DNAH17: variants seen among roughly 807,000 people sequenced by gnomAD.
DNAH17 encodes dynein axonemal heavy chain 17.
DNAH17 carries 376 observed loss-of-function variants against 485.6 expected under a neutral mutation model. The observed-to-expected ratio is 0.77, with a 90% CI of 0.71 to 0.84. DNAH17 has a LOEUF of 0.84. Ranked by LOEUF, DNAH17 falls within the 40% of genes least tolerant of loss-of-function variation. DNAH17 has a pLI of 0.00. For synonymous variants in DNAH17, 3,031 were observed against 2,405.9 expected, an observed-to-expected ratio of 1.26 and a Z score of -7.60; for missense variants, 6,370 against 5,839.3, an observed-to-expected ratio of 1.09 and a Z score of -2.96.
At chr17:78,575,302 G>C (rs574879006) in intron 1 of DNAH17, among the ~76,000 whole-genome samples, 1 of 152,228 alleles carries the variant, frequency 6.6e-6, no homozygotes, top group African/African-American at 2.4e-5. Context: ...CGGGAGTGAG[G>C]CTGCCCAAAA....
At chr17:78,567,892 G>A (rs2092293861) in intron 9 of DNAH17, among the ~76,000 whole-genome samples, 1 of 152,142 alleles carries the variant, frequency 6.6e-6, no homozygotes, top group Admixed American at 6.5e-5. Flanking sequence ...GCTCTTCTGT[G>A]CCCCTGCACC....
chr17:78,462,525 T>C (rs189160038), intron 57 of DNAH17, among the ~76,000 whole-genome samples: 98 of 152,282 alleles, frequency 6.4e-4, no homozygotes, highest in African/African-American at 2.2e-3. Context: ...TATTTACGAA[T>C]GAACAAATGC....
intron 20 of DNAH17, 53 bp from the exon 21 acceptor site, chr17:78,530,565 C>G: frequency 6.4e-7 from 1 of 1,558,900 alleles, no homozygotes; most frequent in Admixed American, 1.8e-5. Flanking sequence ...CTAGGGGGGG[C>G]GTCAGCACAG....
chr17:78,574,692 T>G (rs2092408901), intron 2 of DNAH17, 21 bp downstream of exon 2: 1 of 1,575,094 alleles, frequency 6.3e-7, no homozygotes, highest in Non-Finnish European at 8.6e-7. Flanking sequence ...ACACCCCGGA[T>G]GGCAGCCTGG....
chr17:78,450,147 G>C (rs1051871536), intron 68 of DNAH17, 107 bp downstream of exon 68: 11 of 1,367,886 alleles, frequency 8.0e-6, no homozygotes, highest in Non-Finnish European at 1.1e-5. Flanking sequence ...GCCCTCTGAG[G>C]GTGGCCCTGG....
chr17:78,575,817 AAC>A (rs2092425922), intron 1 of DNAH17, among the ~76,000 whole-genome samples: 1 of 152,182 alleles, frequency 6.6e-6, no homozygotes, highest in African/African-American at 2.4e-5. Flanking sequence ...GACACACCCA[AAC>A]AGTCATCAAG....
chr17:78,472,377 C>T (rs956099252), intron 54 of DNAH17, among the ~76,000 whole-genome samples: 2 of 150,874 alleles, frequency 1.3e-5, no homozygotes, highest in African/African-American at 2.5e-5. Flanking sequence ...GTGCGAGACA[C>T]GCAGCAAGGC....
At chr17:78,451,423 T>G (rs758148374) in intron 66 of DNAH17, 46 bp downstream of exon 66, 13 of 1,554,240 alleles carry the variant, frequency 8.4e-6, no homozygotes, top group African/African-American at 1.4e-5. Context: ...GCCCCCTCTG[T>G]GTGGGACGGC....
intron 46 of DNAH17, 61 bp from the exon 47 acceptor site, chr17:78,485,818 G>A: frequency 6.3e-7 from 1 of 1,588,728 alleles, no homozygotes. Context: ...CCTCTCGTGG[G>A]TGTGCAGGCC....
chr17:78,493,456 G>A (rs769444808), intron 41 of DNAH17, among the ~76,000 whole-genome samples: 8 of 152,234 alleles, frequency 5.3e-5, no homozygotes, highest in South Asian at 4.1e-4. Flanking sequence ...TTAAAGACAC[G>A]GTTGAGGACA....
chr17:78,547,501 G>A (rs1483002842), intron 16 of DNAH17, among the ~76,000 whole-genome samples: 1 of 152,094 alleles, frequency 6.6e-6, no homozygotes, highest in Non-Finnish European at 1.5e-5. Flanking sequence ...ATGTCTACAT[G>A]TGTCATCTGG....
chr17:78,435,681 C>T (rs1298455696), intron 74 of DNAH17, among the ~76,000 whole-genome samples: 1 of 152,258 alleles, frequency 6.6e-6, no homozygotes, highest in Non-Finnish European at 1.5e-5. Context: ...TGTCGGGTCG[C>T]TGCAGAGTTT....
rs2087921561 is a variant in DNAH17 at position 78,458,552 on chromosome 17, G to A, written c.9977+13C>T. The A allele has an allele frequency of 6.2e-7, 1 of 1,608,908 alleles. No homozygotes were observed. Among genetic ancestry groups the A allele is most frequent in the Middle Eastern group, 1.7e-4 (1 of 5,952 alleles). ...CTGAGAGCAGGAGGGTGGTCTCGGG[G>A]AGGAGCTGATACCTGTTCGCCAGTA... is the stretch of plus-strand genomic sequence containing the variant. On this transcript the variant is annotated intron_variant, in intron 62 of 80. Coordinates refer to ENST00000389840, the MANE Select transcript of DNAH17 (RefSeq NM_173628.4).
chr17:78,549,401 G>C (rs1219660022), intron 16 of DNAH17, among the ~76,000 whole-genome samples: 1 of 152,202 alleles, frequency 6.6e-6, no homozygotes, highest in Non-Finnish European at 1.5e-5. Context: ...GACCAGGACA[G>C]TGGGCCCAAG....
At position 78,466,438 on chromosome 17, in the gene DNAH17, AAAAT is replaced by A. The variant is rs772775293; in HGVS notation, c.8940+213_8940+216del. On this transcript the variant is annotated intron_variant, in intron 56 of 80. Coordinates refer to ENST00000389840, the MANE Select transcript of DNAH17 (RefSeq NM_173628.4). ...AGAAACACCCAAGAATTATCAATAAAAAATAAATAAATTAAAAAAAAATAAAAAA... is the reference window on the plus strand; with the variant it reads ...AGAAACACCCAAGAATTATCAATAAAAAATAAATTAAAAAAAAATAAAAAA... Among the ~76,000 whole-genome samples, 425 of 152,210 alleles carry A rather than the reference AAAAT, an allele frequency of 2.8e-3. 2 individuals are homozygous for A. The highest frequency in any genetic ancestry group is 8.7e-3 in the African/African-American group (363 of 41,554).
intron 55 of DNAH17, 67 bp downstream of exon 55, chr17:78,468,550 C>G: frequency 2.6e-6 from 4 of 1,536,726 alleles, no homozygotes; most frequent in Non-Finnish European, 3.5e-6. Context: ...AGAGCAAAAA[C>G]CCATACCCTG....
chr17:78,472,238 T>TGGAGTAGGGGTGCGAGGGTTAG (rs2088785997), intron 54 of DNAH17, among the ~76,000 whole-genome samples: 2 of 106,876 alleles, frequency 1.9e-5, no homozygotes, highest in Non-Finnish European at 4.1e-5. Context: ...ATTAGGGTTA[T>TGGAGTAGGGGTGCGAGGGTTAG]GGAGTAGGGG....
At chr17:78,498,188 T>G (rs962808728) in intron 37 of DNAH17, among the ~76,000 whole-genome samples, 3 of 141,734 alleles carry the variant, frequency 2.1e-5, no homozygotes, top group Non-Finnish European at 4.5e-5. Flanking sequence ...AATAAATAAA[T>G]AAATAAAGCA....
intron 14 of DNAH17, among the ~76,000 whole-genome samples, chr17:78,556,559 G>A (rs995925565): frequency 2.6e-5 from 4 of 152,110 alleles, no homozygotes; most frequent in Non-Finnish European, 2.9e-5. Context: ...GCTTGGGGTG[G>A]GGTCAAAGTT....
Sources: allele counts gnomAD v4.1 joint callset (sites outside exome capture counted in the v4.1 genomes callset), GRCh38; gene constraint gnomAD v4.1.1; transcripts MANE v1.5; gene names NCBI Gene and HGNC (gene_info 2026-07-23, HGNC 2026-07-21).